ACSM3: variants seen among roughly 807,000 people sequenced by gnomAD.
The protein encoded by ACSM3 is acyl-CoA synthetase medium chain family member 3, also known as acyl-coenzyme A synthetase ACSM3, mitochondrial.
Under a neutral mutation model 74.1 loss-of-function variants are expected in ACSM3, and 61 were observed. That is an observed-to-expected ratio of 0.82 (90% CI 0.67 to 1.02). The LOEUF (loss-of-function observed/expected upper bound fraction) is 1.02. Among genes scored for constraint, ACSM3 ranks in the 50% least tolerant of loss-of-function variants. ACSM3 has a pLI of 0.00. For missense variants in ACSM3, 660 were observed against 697.0 expected, an observed-to-expected ratio of 0.95 and a Z score of 0.60; for synonymous variants, 213 against 241.5, an observed-to-expected ratio of 0.88 and a Z score of 1.09.
intron 12 of ACSM3, 76 bp downstream of exon 12, chr16:20,792,411 A>G (rs540861174): frequency 6.3e-7 from 1 of 1,586,360 alleles, no homozygotes; most frequent in South Asian, 1.1e-5. Flanking sequence ...AGCTCAGTGA[A>G]ACAGAATTAA....
At chr16:20,791,056 C>A in intron 10 of ACSM3, 2 of 939,936 alleles carry the variant, frequency 2.1e-6, no homozygotes, top group Non-Finnish European at 3.2e-6. Context: ...ACAGGGGATG[C>A]GGGGGTGGTG....
intron 1 of ACSM3, among the ~76,000 whole-genome samples, chr16:20,743,264 C>T (rs540401877): frequency 2.0e-5 from 3 of 151,978 alleles, no homozygotes; most frequent in Non-Finnish European, 4.4e-5. Flanking sequence ...TTTCCCCTCG[C>T]GCATTTCCCA....
intron 1 of ACSM3, among the ~76,000 whole-genome samples, chr16:20,744,140 TA>T (rs538069741): frequency 3.3e-5 from 5 of 152,050 alleles, no homozygotes; most frequent in African/African-American, 1.2e-4. Flanking sequence ...TTTCTGCAAT[TA>T]AAAAAAATTC....
At chr16:20,694,710 T>C (rs2079680407) in intron 1 of ACSM3, among the ~76,000 whole-genome samples, 2 of 152,210 alleles carry the variant, frequency 1.3e-5, no homozygotes, top group Non-Finnish European at 1.5e-5. Context: ...TGGTTTGAAC[T>C]GTGTCCCCCA....
At chr16:20,741,480 G>GGGGGGGGC in intron 1 of ACSM3, 6 of 1,340,420 alleles carry the variant, frequency 4.5e-6, no homozygotes, top group Non-Finnish European at 5.8e-6. Context: ...CCTGGCAGCC[G>GGGGGGGGC]GCCCGCCCGC....
intron 3 of ACSM3, among the ~76,000 whole-genome samples, chr16:20,758,545 C>G (rs989357295): frequency 6.6e-6 from 1 of 151,852 alleles, no homozygotes; most frequent in South Asian, 2.1e-4. Context: ...GTCTTGCTAG[C>G]GGTCTATCAA....
intron 1 of ACSM3, among the ~76,000 whole-genome samples, chr16:20,739,533 G>C (rs1373211085): frequency 6.6e-5 from 10 of 152,026 alleles, no homozygotes; most frequent in East Asian, 1.9e-4. Context: ...TCAAAACGTG[G>C]AGCAAGGCCG....
chr16:20,684,059 C>G (rs189302543), intron 1 of ACSM3, among the ~76,000 whole-genome samples: 1 of 152,184 alleles, frequency 6.6e-6, no homozygotes, highest in Admixed American at 6.5e-5. Context: ...GAGTGCTGTA[C>G]ACATGATAAA....
chr16:20,760,336 A>G (rs146753668), upstream of ACSM3, among the ~76,000 whole-genome samples: 690 of 152,258 alleles, frequency 4.5e-3, 1 homozygote, highest in Non-Finnish European at 7.3e-3. Flanking sequence ...AGACTGAAAA[A>G]GGTTCAGGAG....
At chr16:20,706,141 A>G (rs2079726959) in intron 1 of ACSM3, among the ~76,000 whole-genome samples, 1 of 152,052 alleles carries the variant, frequency 6.6e-6, no homozygotes. Context: ...AAAGACAGAA[A>G]AAATATTTTA....
intron 1 of ACSM3, among the ~76,000 whole-genome samples, chr16:20,716,927 GTTA>G (rs2079763945): frequency 6.6e-6 from 1 of 152,192 alleles, no homozygotes; most frequent in African/African-American, 2.4e-5. Context: ...CACAGAGATT[GTTA>G]TCAGTTAGAA....
At chr16:20,684,505 A>G (rs946941752) in intron 1 of ACSM3, among the ~76,000 whole-genome samples, 20 of 152,246 alleles carry the variant, frequency 1.3e-4, no homozygotes, top group African/African-American at 4.6e-4. Flanking sequence ...TGTCCTTGCA[A>G]TTCTCCTGCC....
intron 1 of ACSM3, among the ~76,000 whole-genome samples, chr16:20,744,833 C>T (rs1293086633): frequency 1.3e-5 from 2 of 152,210 alleles, no homozygotes; most frequent in Admixed American, 6.5e-5. Context: ...AAACCTATTC[C>T]GGTTAGTGGG....
At chr16:20,685,077 G>A in intron 1 of ACSM3, 1 of 1,064,426 alleles carries the variant, frequency 9.4e-7, no homozygotes, top group African/African-American at 1.6e-5. Flanking sequence ...CAGAAACTGG[G>A]GCGAAGGCTT....
intron 1 of ACSM3, among the ~76,000 whole-genome samples, chr16:20,677,068 A>G (rs1352260502): frequency 6.6e-6 from 1 of 151,994 alleles, no homozygotes; most frequent in Non-Finnish European, 1.5e-5. Flanking sequence ...TGCACTTCCT[A>G]CTCCAACCAC....
intron 12 of ACSM3, 129 bp from the exon 13 acceptor site, chr16:20,796,241 G>T (rs1424309418): frequency 5.6e-6 from 8 of 1,431,136 alleles, no homozygotes; most frequent in Non-Finnish European, 7.4e-6. Flanking sequence ...ACAGAGCTGG[G>T]ATCAAACTTT....
chr16:20,738,023 A>AT, intron 1 of ACSM3: 1 of 1,414,512 alleles, frequency 7.1e-7, no homozygotes, highest in Non-Finnish European at 9.7e-7. Context: ...TCTAAAATGA[A>AT]TTTTCACTGG....
intron 12 of ACSM3, among the ~76,000 whole-genome samples, chr16:20,793,012 C>T: frequency 6.6e-6 from 1 of 152,226 alleles, no homozygotes; most frequent in African/African-American, 2.4e-5. Context: ...CCTTCTAACA[C>T]TGAATCCAAG....
chr16:20,727,241 C>G (rs2079809714), intron 1 of ACSM3: 11 of 424,062 alleles, frequency 2.6e-5, no homozygotes, highest in South Asian at 2.0e-4. Context: ...TAAGACTTGC[C>G]TCTCCTAGCT....
Sources: gnomAD v4.1 joint callset for allele counts (sites outside exome capture counted in the v4.1 genomes callset) on GRCh38, gnomAD v4.1.1 for gene constraint, MANE v1.5 for transcripts, NCBI Gene and HGNC (gene_info 2026-07-23, HGNC 2026-07-21) for gene names.